Variants in FAM151B observed in about 807,000 individuals in gnomAD.
FAM151B encodes family with sequence similarity 151 member B.
A neutral mutation model predicts 31.2 loss-of-function variants in FAM151B; 24 were observed. The observed-to-expected ratio is 0.77, with a 90% CI of 0.56 to 1.08. The LOEUF (loss-of-function observed/expected upper bound fraction) is 1.08, where lower values mean the gene tolerates loss of function less well. Ranked by LOEUF, FAM151B falls within the 50% of genes least tolerant of loss-of-function variation. The probability of loss-of-function intolerance (pLI) is 0.00; values close to 1 mark genes in which losing one functional copy is unlikely to be tolerated. For missense variants in FAM151B, 293 were observed against 328.6 expected (o/e 0.89, Z 0.84); for synonymous variants, 105 against 111.4 (o/e 0.94, Z 0.36).
At chr5:80,538,386 TTCTTTC>T (rs1745624613) in intron 5 of FAM151B, among the ~76,000 whole-genome samples, 1 of 45,438 alleles carries the variant, frequency 2.2e-5, no homozygotes, top group Non-Finnish European at 4.0e-5. Flanking sequence ...CTTTCTTTCT[TTCTTTC>T]TTTCTTTCTT....
At chr5:80,522,748 C>T (rs1048595430) in intron 5 of FAM151B, among the ~76,000 whole-genome samples, 21 of 151,964 alleles carry the variant, frequency 1.4e-4, no homozygotes, top group South Asian at 4.1e-4. Context: ...GGTGACAGAG[C>T]GAGGCCCTGT....
At chr5:80,504,541 A>G (rs1446025836) in intron 2 of FAM151B, among the ~76,000 whole-genome samples, 6 of 66,016 alleles carry the variant, frequency 9.1e-5, no homozygotes, top group Middle Eastern at 0.013. Flanking sequence ...TTTTTTTTTG[A>G]GATGGAGTCT....
rs369379955 is a variant in FAM151B, at chr5:80,492,125, C to T, written c.25+3977C>T. Reference sequence around the variant, plus strand: ...TGGTGGATACATGCCATTGTACAAGCATTCCTTGTTTTATTGTACTTCACT... The same window carrying T: ...TGGTGGATACATGCCATTGTACAAGTATTCCTTGTTTTATTGTACTTCACT... On this transcript the variant is annotated intron_variant, in intron 1 of 5. Transcript: ENST00000282226. Among the ~76,000 whole-genome samples the T allele has an allele frequency of 3.3e-5, 5 of 151,616 alleles. No individual in the cohort carries two copies. In the East Asian group the frequency reaches 9.7e-4, roughly 29 times the overall value.
chr5:80,513,579 A>G (rs927615565), intron 2 of FAM151B, 25 bp from the exon 3 acceptor site: 6 of 1,600,326 alleles, frequency 3.7e-6, no homozygotes, highest in Non-Finnish European at 4.3e-6. Context: ...TCTTAGCATT[A>G]ACTGAAGTTC....
chr5:80,493,023 A>C (rs547517878), intron 1 of FAM151B, among the ~76,000 whole-genome samples: 352 of 152,366 alleles, frequency 2.3e-3, no homozygotes, highest in Non-Finnish European at 3.8e-3. Context: ...TCGAAAGCTG[A>C]GAGAGGCCTC....
chr5:80,521,255 G>T (rs894792488), intron 4 of FAM151B, among the ~76,000 whole-genome samples: 1 of 150,232 alleles, frequency 6.7e-6, no homozygotes, highest in African/African-American at 2.5e-5. Context: ...CTCCAGAGTA[G>T]CTGAGACCAC....
chr5:80,504,152 CA>C (rs1379517548), intron 2 of FAM151B, among the ~76,000 whole-genome samples: 2 of 152,228 alleles, frequency 1.3e-5, no homozygotes, highest in Non-Finnish European at 2.9e-5. Flanking sequence ...TACTAACCTG[CA>C]CTTCCTGTGA....
intron 1 of FAM151B, among the ~76,000 whole-genome samples, chr5:80,493,556 C>A (rs1049915224): frequency 6.6e-6 from 1 of 152,180 alleles, no homozygotes; most frequent in Non-Finnish European, 1.5e-5. Context: ...TCGCTGAATT[C>A]TTTTCCTAGC....
At chr5:80,537,294 A>G (rs1745559782) in intron 5 of FAM151B, among the ~76,000 whole-genome samples, 1 of 152,230 alleles carries the variant, frequency 6.6e-6, no homozygotes, top group Non-Finnish European at 1.5e-5. Context: ...AGCATCCCAC[A>G]TGGGGAGTGA....
In FAM151B at chr5:80,522,072, C is replaced by T. The variant is rs1744746243; in HGVS notation, c.605C>T (p.Pro202Leu). Residue 202 changes from proline to leucine, a missense_variant, in exon 5 of 6, where the codon CCT becomes CTT. Pro to Leu is a moderately conservative substitution (Grantham distance 98, BLOSUM62 -3). Transcript: ENST00000282226. ...CNELSQPVTFPVRAALVRQSC... is the reference protein window; with the variant it reads ...CNELSQPVTFLVRAALVRQSC... ...GAACTAAGTCAGCCTGTAACGTTCC[C>T]TGTCAGAGCAGCATTAGTCAGGCAG... 1.2e-6 allele frequency: 2 copies of T among 1,612,948 alleles called. No homozygotes were observed. The highest frequency in any genetic ancestry group is 1.7e-6 in the Non-Finnish European group (2 of 1,179,268).
At chr5:80,495,687 G>A (rs1478658050) in intron 1 of FAM151B, among the ~76,000 whole-genome samples, 3 of 152,010 alleles carry the variant, frequency 2.0e-5, no homozygotes, top group African/African-American at 4.8e-5. Flanking sequence ...AAAATTAGCC[G>A]GGCGTGGTGG....
chr5:80,536,207 G>T (rs1457183122), intron 5 of FAM151B, among the ~76,000 whole-genome samples: 1 of 152,100 alleles, frequency 6.6e-6, no homozygotes, highest in East Asian at 1.9e-4. Flanking sequence ...GTCTCACTGG[G>T]TTGCCCAGGC....
intron 2 of FAM151B, among the ~76,000 whole-genome samples, chr5:80,508,592 C>T (rs1411846074): frequency 6.6e-6 from 1 of 152,134 alleles, no homozygotes; most frequent in Non-Finnish European, 1.5e-5. Flanking sequence ...GAGTAGCTTT[C>T]TTAGCCTGTT....
intron 2 of FAM151B, among the ~76,000 whole-genome samples, chr5:80,502,281 G>C (rs1743776773): frequency 6.6e-6 from 1 of 151,992 alleles, no homozygotes; most frequent in African/African-American, 2.4e-5. Context: ...TTATTTTCTA[G>C]AAGCAATTTG....
chr5:80,506,213 C>A, intron 2 of FAM151B: 3 of 666,376 alleles, frequency 4.5e-6, no homozygotes, highest in Non-Finnish European at 5.6e-6. Context: ...AGTGATCAAA[C>A]TGGGCTCAAT....
chr5:80,535,804 G>A (rs1561381706), intron 5 of FAM151B, among the ~76,000 whole-genome samples: 2 of 152,140 alleles, frequency 1.3e-5, no homozygotes, highest in African/African-American at 4.8e-5. Flanking sequence ...AAGAAACAAT[G>A]TACAGAATGG....
At chr5:80,533,511 G>A (rs530964523) in intron 5 of FAM151B, among the ~76,000 whole-genome samples, 2 of 152,094 alleles carry the variant, frequency 1.3e-5, no homozygotes, top group Non-Finnish European at 2.9e-5. Flanking sequence ...CCAGCACTTT[G>A]GGAGGCCAAG....
chr5:80,534,563 G>A (rs2431217), intron 5 of FAM151B, among the ~76,000 whole-genome samples: 6 of 152,020 alleles, frequency 3.9e-5, no homozygotes, highest in Non-Finnish European at 5.9e-5. Context: ...ACATCCCTTC[G>A]TGATAAAAAC....
intron 5 of FAM151B, among the ~76,000 whole-genome samples, chr5:80,530,167 CT>C (rs1487218276): frequency 1.1e-4 from 16 of 152,228 alleles, no homozygotes; most frequent in African/African-American, 3.6e-4. Flanking sequence ...CAGAAAAGGC[CT>C]TTGACAAAAT....
Sources: gnomAD v4.1 joint callset for allele counts (sites outside exome capture counted in the v4.1 genomes callset) on GRCh38, gnomAD v4.1.1 for gene constraint, MANE v1.5 for transcripts, NCBI Gene and HGNC (gene_info 2026-07-23, HGNC 2026-07-21) for gene names.